Variants in ATP10A observed in about 807,000 individuals in gnomAD.
ATP10A encodes the protein ATPase phospholipid transporting 10A (putative).
Under a neutral mutation model 147.8 loss-of-function variants are expected in ATP10A, and 111 were observed. The ratio of observed to expected loss-of-function variants is 0.75; its 90% CI spans 0.64 to 0.88. The LOEUF (loss-of-function observed/expected upper bound fraction) is 0.88, where lower values mean the gene tolerates loss of function less well. Among genes scored for constraint, ATP10A ranks in the 40% least tolerant of loss-of-function variants. The probability of loss-of-function intolerance (pLI) is 0.00; values close to 1 mark genes in which losing one functional copy is unlikely to be tolerated. For missense variants in ATP10A, 1,927 were observed against 1,959.0 expected (o/e 0.98, Z 0.31); for synonymous variants, 875 against 841.6 (o/e 1.04, Z -0.69).
At chr15:25,788,199 G>T (rs1890257805) in intron 1 of ATP10A, among the ~76,000 whole-genome samples, 1 of 152,202 alleles carries the variant, frequency 6.6e-6, no homozygotes, top group Non-Finnish European at 1.5e-5. Context: ...GCACTAAACA[G>T]CTGGCTTTGG....
chr15:25,796,725 C>T (rs527840256), intron 1 of ATP10A, among the ~76,000 whole-genome samples: 19 of 152,186 alleles, frequency 1.2e-4, no homozygotes, highest in Non-Finnish European at 2.9e-5. Context: ...TGGAACCTGC[C>T]GGATATCCCT....
At chr15:25,786,770 C>T (rs1431592732) in intron 1 of ATP10A, among the ~76,000 whole-genome samples, 31 of 149,752 alleles carry the variant, frequency 2.1e-4, no homozygotes, top group African/African-American at 7.4e-4. Flanking sequence ...GGACTACAGG[C>T]GCCCACCACC....
intron 1 of ATP10A, among the ~76,000 whole-genome samples, chr15:25,822,271 G>A (rs1176316670): frequency 6.6e-6 from 1 of 152,160 alleles, no homozygotes; most frequent in Admixed American, 6.5e-5. Flanking sequence ...GGCTGTGTGT[G>A]TTATTTACAA....
rs151166294 is a variant in ATP10A, at chr15:25,781,105, C to T, written c.568G>A (p.Asp190Asn). ...GCGGTCTCGATGTGGCATAGCCCGT[C>T]GGGGTCACTGGAGGAGAGCAGCAGA... ...DILLLSSSDPDGLCHIETANL... is the reference protein window; with the variant it reads ...DILLLSSSDPNGLCHIETANL... Residue 190 changes from aspartate (D) to asparagine (N), a missense_variant, in exon 2 of 21, where the codon GAC becomes AAC. Physicochemically the swap from Asp to Asn is conservative, Grantham distance 23. Coordinates refer to ENST00000555815, the MANE Select transcript of ATP10A (RefSeq NM_024490.4). 27 of 1,614,160 alleles carry T rather than the reference C, an allele frequency of 1.7e-5. No individual in the cohort carries two copies. The highest frequency in any genetic ancestry group is 1.5e-4 in the African/African-American group (11 of 75,026).
chr15:25,840,596 TA>T lies in ATP10A; in HGVS notation c.449+22051del, dbSNP rs536549816. ...TTATTTCCAGTGTTGGGTTATTATT[TA>T]AAAAAAAATGCTGCGATGAACATTT... On this transcript the variant is annotated intron_variant, in intron 1 of 20. Transcript: ENST00000555815. Among the ~76,000 whole-genome samples the T allele has an allele frequency of 1.5e-3, 229 of 151,638 alleles. 5 individuals carry two copies. The South Asian group carries it at 0.042, about 28-fold the overall frequency.
intron 1 of ATP10A, among the ~76,000 whole-genome samples, chr15:25,844,285 C>G (rs144204481): frequency 6.6e-6 from 1 of 152,132 alleles, no homozygotes; most frequent in Admixed American, 6.5e-5. Flanking sequence ...TTTCTCTCCA[C>G]GGCACGTCTT....
chr15:25,780,602 G>A (rs1013257054), intron 2 of ATP10A, among the ~76,000 whole-genome samples: 4 of 152,286 alleles, frequency 2.6e-5, no homozygotes, highest in Middle Eastern at 3.4e-3. Flanking sequence ...CGAAGACCTC[G>A]CGCTGAACCC....
intron 15 of ATP10A, among the ~76,000 whole-genome samples, chr15:25,689,465 C>T (rs1045031427): frequency 6.6e-6 from 1 of 152,166 alleles, no homozygotes; most frequent in African/African-American, 2.4e-5. Flanking sequence ...GCCTGCTCCT[C>T]CTGCCTGATC....
At chr15:25,836,234 C>T (rs189932378) in intron 1 of ATP10A, among the ~76,000 whole-genome samples, 2 of 152,266 alleles carry the variant, frequency 1.3e-5, no homozygotes, top group African/African-American at 4.8e-5. Context: ...CAGGTGTGGG[C>T]CCCCAGCCTG....
rs969533482 is a variant in ATP10A, at chr15:25,723,326, G to A, written c.1110+565C>T. Among the ~76,000 whole-genome samples the A allele has an allele frequency of 2.7e-5, 4 of 148,202 alleles. 1 individual carries two copies. The highest frequency in any genetic ancestry group is 4.3e-4 in the South Asian group (2 of 4,608). Reference sequence around the variant, plus strand: ...TCGTGTCACTGCACTCCAGCCTGGCGACAAAACAAGACTCTGTCTAAAAAA... The same window carrying A: ...TCGTGTCACTGCACTCCAGCCTGGCAACAAAACAAGACTCTGTCTAAAAAA... On this transcript the variant is annotated intron_variant, in intron 6 of 20. Coordinates refer to ENST00000555815, the MANE Select transcript of ATP10A (RefSeq NM_024490.4).
At chr15:25,730,309 AAAAAAAAAAAAAAAAAAAAGAAG>A (rs201111999) in intron 3 of ATP10A, among the ~76,000 whole-genome samples, 72 of 6,164 alleles carry the variant, frequency 0.012, 2 homozygotes, top group East Asian at 0.053. Context: ...CTCAAAAAAA[AAAAAAAAAAAAAAAAAAAAGAAG>A]AAAGAAAGAA....
intron 1 of ATP10A, among the ~76,000 whole-genome samples, chr15:25,848,109 ACCTGG>A (rs1229527479): frequency 1.5e-5 from 2 of 133,274 alleles, no homozygotes; most frequent in African/African-American, 5.6e-5. Flanking sequence ...ACACAGCAAG[ACCTGG>A]CCTCTAAAAA....
upstream of ATP10A, among the ~76,000 whole-genome samples, chr15:25,863,455 A>T (rs909248042): frequency 2.0e-5 from 3 of 152,142 alleles, no homozygotes; most frequent in African/African-American, 7.2e-5. Flanking sequence ...AGCGGGAAAC[A>T]AAAAAAGCCC....
chr15:25,793,524 C>T (rs1216062107), intron 1 of ATP10A, among the ~76,000 whole-genome samples: 2 of 152,210 alleles, frequency 1.3e-5, no homozygotes, highest in African/African-American at 2.4e-5. Flanking sequence ...AAGTAGTTCT[C>T]TGTAAGTGGC....
At chr15:25,690,518 G>C (rs1019217733) in intron 15 of ATP10A, among the ~76,000 whole-genome samples, 2 of 152,156 alleles carry the variant, frequency 1.3e-5, no homozygotes, top group Admixed American at 6.5e-5. Flanking sequence ...GAAATTACAG[G>C]TGTGAACCAC....
Position 25,679,959 on chromosome 15 carries a change from G to A in ATP10A, c.3882C>T (p.Ser1294=), listed in dbSNP as rs1033751223. 6 of 1,593,608 alleles carry A rather than the reference G, an allele frequency of 3.8e-6. No individual in the cohort carries two copies. The highest frequency in any genetic ancestry group is 3.4e-6 in the Non-Finnish European group (4 of 1,166,540). The change falls in exon 21 of 21, where the codon TCC becomes TCT. Residue 1294 remains serine, a synonymous_variant. Coordinates refer to ENST00000555815, the MANE Select transcript of ATP10A (RefSeq NM_024490.4). ...AALLPRLFFR[S]LQGRVFPTQL... ...GTGTGGGGAAAACCCTCCCCTGGAG[G>A]GATCTGAAAAACAATCTAGAAAAAG...
At chr15:25,718,078 C>G in intron 8 of ATP10A, 104 bp downstream of exon 8, 1 of 1,241,648 alleles carries the variant, frequency 8.1e-7, no homozygotes, top group Non-Finnish European at 1.1e-6. Flanking sequence ...CGCCCAGCGA[C>G]AGTGTATTTG....
intron 13 of ATP10A, among the ~76,000 whole-genome samples, chr15:25,699,956 A>G (rs1900571837): frequency 6.6e-6 from 1 of 152,210 alleles, no homozygotes; most frequent in Non-Finnish European, 1.5e-5. Context: ...ATTAAAAAAT[A>G]AAGAAGATAG....
intron 1 of ATP10A, among the ~76,000 whole-genome samples, chr15:25,839,243 T>C (rs1032217197): frequency 2.0e-5 from 3 of 152,192 alleles, no homozygotes; most frequent in African/African-American, 7.2e-5. Context: ...CCCTGCCAAC[T>C]GTAATTATCC....
Sources: allele counts gnomAD v4.1 joint callset (sites outside exome capture counted in the v4.1 genomes callset), GRCh38; gene constraint gnomAD v4.1.1; transcripts MANE v1.5; gene names NCBI Gene and HGNC (gene_info 2026-07-23, HGNC 2026-07-21).